MADD: variants seen among roughly 807,000 people sequenced by gnomAD.
MADD encodes the protein MAP kinase activating death domain.
MADD carries 109 observed loss-of-function variants against 176.7 expected under a neutral mutation model. That is an observed-to-expected ratio of 0.62 (90% CI 0.53 to 0.72). The LOEUF (loss-of-function observed/expected upper bound fraction) is 0.72, where lower values mean the gene tolerates loss of function less well. Ranked by LOEUF, MADD falls within the 30% of genes least tolerant of loss-of-function variation. The pLI is 0.00. For missense variants in MADD, 1,914 were observed against 2,045.5 expected (o/e 0.94, Z 1.24); for synonymous variants, 771 against 771.3 (o/e 1.00, Z 0.01).
At chr11:47,284,413 A>G in exon 12 of MADD, 1 of 1,614,184 alleles carries the variant, frequency 6.2e-7, no homozygotes, top group Non-Finnish European at 8.5e-7. Flanking sequence ...GGGGGATGCC[A>G]GCGAGGTGGA....
exon 9 of MADD, chr11:47,282,404 A>G (rs1432883151): frequency 1.2e-6 from 2 of 1,614,146 alleles, no homozygotes; most frequent in Non-Finnish European, 1.7e-6. Flanking sequence ...CGGTTCTTCA[A>G]TTCCGCCAAC....
intron 20 of MADD, among the ~76,000 whole-genome samples, chr11:47,294,669 CAAAAAAAAAA>C (rs58253961): frequency 5.4e-5 from 3 of 56,028 alleles, no homozygotes; most frequent in Admixed American, 2.2e-4. Context: ...GACTCCGTCT[CAAAAAAAAAA>C]AAAAAAAAAA....
chr11:47,275,795 C>T, intron 3 of MADD, 104 bp from the exon 4 acceptor site: 1 of 1,130,726 alleles, frequency 8.8e-7, no homozygotes, highest in Non-Finnish European at 1.3e-6. Context: ...TAATGATGCT[C>T]CGTTTCCCAT....
intron 22 of MADD, among the ~76,000 whole-genome samples, chr11:47,305,799 GGA>G (rs2082175747): frequency 1.3e-5 from 2 of 152,164 alleles, no homozygotes; most frequent in South Asian, 4.1e-4. Flanking sequence ...GCAGGGTACT[GGA>G]GTTGTTTGGC....
At chr11:47,295,629 C>T (rs1402832734) in intron 21 of MADD, 50 bp downstream of exon 23, 2 of 1,612,266 alleles carry the variant, frequency 1.2e-6, no homozygotes, top group African/African-American at 2.7e-5. Context: ...TGGATTTCCC[C>T]TTTGGAAAAG....
intron 31 of MADD, 165 bp downstream of exon 35, chr11:47,326,972 G>C (rs2095514071): frequency 1.4e-6 from 2 of 1,397,112 alleles, no homozygotes; most frequent in African/African-American, 2.9e-5. Context: ...TGAGAGCCGG[G>C]ATGTGGAAGG....
At chr11:47,306,517 A>G (rs1410951842) in intron 22 of MADD, among the ~76,000 whole-genome samples, 1 of 152,190 alleles carries the variant, frequency 6.6e-6, no homozygotes, top group Non-Finnish European at 1.5e-5. Context: ...ACTGTAGGGA[A>G]GCCAGTGGTG....
intron 7 of MADD, among the ~76,000 whole-genome samples, chr11:47,281,050 TG>T (rs2056207974): frequency 6.6e-6 from 1 of 152,208 alleles, no homozygotes; most frequent in African/African-American, 2.4e-5. Flanking sequence ...CCTCCCCTGG[TG>T]ATTCTTCTCC....
At chr11:47,292,682 G>T in intron 19 of MADD, 86 bp downstream of exon 21, 1 of 1,338,530 alleles carries the variant, frequency 7.5e-7, no homozygotes, top group Admixed American at 1.7e-5. Flanking sequence ...CCCTTTGTCA[G>T]CCCCACCCCA....
chr11:47,296,965 G>A (rs1004389762), intron 22 of MADD, among the ~76,000 whole-genome samples: 3 of 151,910 alleles, frequency 2.0e-5, no homozygotes, highest in Non-Finnish European at 4.4e-5. Context: ...TGTAGAGATG[G>A]GGTTTCCCTC....
intron 3 of MADD, 86 bp downstream of exon 3, chr11:47,275,245 A>G (rs2048566216): frequency 8.4e-7 from 1 of 1,188,440 alleles, no homozygotes; most frequent in Admixed American, 2.1e-5. Flanking sequence ...AATTTCCTCT[A>G]CAGCTCAAGG....
intron 30 of MADD, chr11:47,324,829 T>G: frequency 1.5e-6 from 1 of 650,930 alleles, no homozygotes; most frequent in Non-Finnish European, 2.8e-6. Flanking sequence ...GTGGCCACGC[T>G]GCCCCATCCG....
At chr11:47,278,770 C>T (rs563641246) in intron 6 of MADD, among the ~76,000 whole-genome samples, 2 of 152,008 alleles carry the variant, frequency 1.3e-5, no homozygotes, top group African/African-American at 4.8e-5. Context: ...AAAAGAAAAA[C>T]CATAATCCTT....
intron 15 of MADD, among the ~76,000 whole-genome samples, chr11:47,287,520 A>G (rs1249096032): frequency 1.3e-5 from 2 of 152,006 alleles, no homozygotes; most frequent in Non-Finnish European, 2.9e-5. Flanking sequence ...AGTGATTCAC[A>G]TGCTTCAGCC....
intron 32 of MADD, 72 bp from the exon 37 acceptor site, chr11:47,328,974 A>G (rs1227051258): frequency 3.0e-6 from 4 of 1,322,818 alleles, no homozygotes; most frequent in Non-Finnish European, 4.4e-6. Context: ...GGAGTTGCCC[A>G]TTGGCAGATC....
intron 3 of MADD, 88 bp downstream of exon 3, chr11:47,275,247 A>G: frequency 1.8e-6 from 2 of 1,135,276 alleles, no homozygotes; most frequent in East Asian, 2.3e-5. Flanking sequence ...TTTCCTCTAC[A>G]GCTCAAGGTC....
chr11:47,294,364 TAA>T (rs1159541312), intron 20 of MADD, among the ~76,000 whole-genome samples: 14 of 75,236 alleles, frequency 1.9e-4, no homozygotes, highest in East Asian at 1.5e-3. Context: ...AAAAAAAAAA[TAA>T]AAATAAAAAT....
chr11:47,284,164 A>G lies in MADD; in HGVS notation c.1863-14A>G, dbSNP rs759861431. On this transcript the variant is annotated splice_polypyrimidine_tract_variant and intron_variant, in intron 10 of 32. Coordinates refer to ENST00000402192, the Ensembl canonical transcript of MADD. Reference sequence around the variant, plus strand: ...TTTCTGTTTTGTTTGTTTTTTATGCACTTCACTCTGCAGTGGCAGTGATAG... The same window carrying G: ...TTTCTGTTTTGTTTGTTTTTTATGCGCTTCACTCTGCAGTGGCAGTGATAG... 1 of 1,581,190 alleles carries G rather than the reference A, an allele frequency of 6.3e-7. No individual in the cohort carries two copies. The highest frequency in any genetic ancestry group is 2.2e-5 in the East Asian group (1 of 44,708).
rs141307265 is a variant in MADD, at chr11:47,284,983, G to A, written c.2200G>A (p.Gly734Ser). The A allele has an allele frequency of 6.9e-4, 1,107 of 1,614,000 alleles. 1 individual carries two copies. The highest frequency in any genetic ancestry group is 8.8e-4 in the Non-Finnish European group (1,037 of 1,180,030). ...GGAGATGGATGATAAGGCAGCAGTA[G>A]GCGTCTCCAAGCCCCTCCCTTCCGT... The change falls in exon 13 of 33, where the codon GGC (glycine) becomes AGC (serine). Residue 734 changes from glycine (G) to serine (S), a missense_variant. Around this residue, in one of 2 missense-constraint regions of MADD, gnomAD observed 1,767 missense variants for 1,836.0 expected, o/e 0.96. Transcript: ENST00000402192.
Sources: gnomAD v4.1 joint callset for allele counts (sites outside exome capture counted in the v4.1 genomes callset) on GRCh38, gnomAD v4.1.1 for gene constraint, gnomAD v4.1.1 regional missense constraint, MANE v1.5 for transcripts, NCBI Gene and HGNC (gene_info 2026-07-23, HGNC 2026-07-21) for gene names.